Variants in DLG2 observed in about 807,000 individuals in gnomAD.
DLG2 encodes the protein disks large homolog 2.
In DLG2, 45 loss-of-function variants were observed where a neutral mutation model predicts 132.5. That is an observed-to-expected ratio of 0.34 (90% confidence interval 0.27 to 0.44). DLG2 has a LOEUF of 0.44. Ranked by LOEUF, DLG2 falls within the 20% of genes least tolerant of loss-of-function variation. The pLI, the probability that DLG2 is intolerant of heterozygous loss-of-function variation, is 1.00. For missense variants in DLG2, 1,045 were observed against 1,196.9 expected (o/e 0.87, Z 1.87); for synonymous variants, 424 against 419.6 (o/e 1.01, Z -0.13).
At chr11:85,132,188 A>G (rs2075765493) in intron 5 of DLG2, among the ~76,000 whole-genome samples, 1 of 152,194 alleles carries the variant, frequency 6.6e-6, no homozygotes, top group Non-Finnish European at 1.5e-5. Context: ...TAATGCAAAT[A>G]TTTGTGTATA....
chr11:83,546,234 G>T (rs1465670), intron 19 of DLG2, among the ~76,000 whole-genome samples: 100,058 of 151,958 alleles, frequency 0.66, 33,454 homozygotes, highest in Middle Eastern at 0.75. Context: ...TTTAGGTGTC[G>T]CACAATGTAG....
Position 83,980,476 on chromosome 11 carries a change from T to C in DLG2, c.1056+30A>G, listed in dbSNP as rs771668557. 6 of 1,597,866 alleles carry C rather than the reference T, an allele frequency of 3.8e-6. No homozygotes were observed. In the Admixed American group the frequency reaches 8.7e-5, roughly 23 times the overall value. On this transcript the variant is annotated intron_variant, in intron 12 of 27. Transcript: ENST00000376104. Reference sequence around the variant, plus strand: ...CTGGAAAACAAGAGCTTTATAAATATACACACAGTTTTGCTGGAGTCACAC... The same window carrying C: ...CTGGAAAACAAGAGCTTTATAAATACACACACAGTTTTGCTGGAGTCACAC...
chr11:85,197,936 A>G (rs1204814296), intron 4 of DLG2, among the ~76,000 whole-genome samples: 1 of 152,232 alleles, frequency 6.6e-6, no homozygotes, highest in Non-Finnish European at 1.5e-5. Flanking sequence ...CAAAGTTGTT[A>G]CAAGGATTAA....
chr11:83,531,383 T>C (rs1320160521), intron 21 of DLG2, among the ~76,000 whole-genome samples: 1 of 151,940 alleles, frequency 6.6e-6, no homozygotes, highest in African/African-American at 2.4e-5. Context: ...TATATACAAA[T>C]GGCCAATAAG....
chr11:83,710,658 C>T (rs1592885784), intron 18 of DLG2, among the ~76,000 whole-genome samples: 1 of 152,004 alleles, frequency 6.6e-6, no homozygotes, highest in South Asian at 2.1e-4. Flanking sequence ...GACGGCATAA[C>T]CAAAGCTTGA....
chr11:85,509,666 T>A (rs1269758867), intron 3 of DLG2, among the ~76,000 whole-genome samples: 3 of 152,122 alleles, frequency 2.0e-5, no homozygotes, highest in Non-Finnish European at 4.4e-5. Context: ...ATTCATTTTA[T>A]TCAACAAATA....
intron 17 of DLG2, among the ~76,000 whole-genome samples, chr11:83,809,763 T>C (rs1439561371): frequency 6.6e-6 from 1 of 152,158 alleles, no homozygotes; most frequent in Non-Finnish European, 1.5e-5. Flanking sequence ...TACTGAAATG[T>C]TTCAATTTTT....
At chr11:85,179,959 G>C (rs1201452569) in intron 4 of DLG2, among the ~76,000 whole-genome samples, 1 of 151,806 alleles carries the variant, frequency 6.6e-6, no homozygotes, top group Non-Finnish European at 1.5e-5. Context: ...ATTGTCCAAG[G>C]ACACACAGCT....
chr11:84,757,590 C>T (rs145861555), intron 6 of DLG2, among the ~76,000 whole-genome samples: 1 of 152,148 alleles, frequency 6.6e-6, no homozygotes, highest in Non-Finnish European at 1.5e-5. Flanking sequence ...AGAGGCACCT[C>T]CTCTCCATCA....
At chr11:84,159,427 G>T (rs2154259176) in intron 9 of DLG2, among the ~76,000 whole-genome samples, 1 of 152,242 alleles carries the variant, frequency 6.6e-6, no homozygotes, top group Admixed American at 6.5e-5. Context: ...ATAATAAAAA[G>T]AATAAACCAT....
chr11:85,093,099 C>T (rs374865345), intron 6 of DLG2, among the ~76,000 whole-genome samples: 12 of 152,166 alleles, frequency 7.9e-5, no homozygotes, highest in South Asian at 4.1e-4. Flanking sequence ...TGTCACCCCT[C>T]GCCCCCTCAT....
chr11:85,600,203 G>C (rs2080055520), intron 2 of DLG2, among the ~76,000 whole-genome samples: 1 of 152,058 alleles, frequency 6.6e-6, no homozygotes, highest in Non-Finnish European at 1.5e-5. Flanking sequence ...TTGTTTCTAA[G>C]GTCAACTCCT....
chr11:84,693,752 T>C (rs2058312343), intron 6 of DLG2, among the ~76,000 whole-genome samples: 1 of 151,638 alleles, frequency 6.6e-6, no homozygotes, highest in Non-Finnish European at 1.5e-5. Context: ...TTGCACCATA[T>C]GGGTCTTTGT....
At chr11:84,302,239 C>G (rs566128055) in intron 7 of DLG2, among the ~76,000 whole-genome samples, 2 of 152,190 alleles carry the variant, frequency 1.3e-5, no homozygotes, top group South Asian at 4.2e-4. Context: ...AGAGAAATAC[C>G]TAATGTAGAT....
intron 15 of DLG2, among the ~76,000 whole-genome samples, chr11:83,913,375 T>C (rs1306894329): frequency 6.6e-6 from 1 of 152,138 alleles, no homozygotes; most frequent in Non-Finnish European, 1.5e-5. Context: ...TTTTTTTTAT[T>C]GCTTAAAAAA....
chr11:84,235,418 G>C (rs977788129), intron 8 of DLG2, among the ~76,000 whole-genome samples: 2 of 151,954 alleles, frequency 1.3e-5, no homozygotes, highest in African/African-American at 4.8e-5. Context: ...GCATTTTAAA[G>C]ATCTCTTCTC....
intron 6 of DLG2, among the ~76,000 whole-genome samples, chr11:84,638,175 G>C (rs574173937): frequency 6.6e-6 from 1 of 152,276 alleles, no homozygotes; most frequent in South Asian, 2.1e-4. Context: ...ATTTCAACAA[G>C]AGTAATAAAA....
chr11:84,535,266 G>A (rs758617501), intron 6 of DLG2, among the ~76,000 whole-genome samples: 35 of 152,198 alleles, frequency 2.3e-4, no homozygotes, highest in Non-Finnish European at 5.9e-5. Context: ...GAGAAGACAA[G>A]CTTATCTTTC....
At chr11:85,270,211 G>A (rs1353162577) in intron 4 of DLG2, among the ~76,000 whole-genome samples, 3 of 152,108 alleles carry the variant, frequency 2.0e-5, no homozygotes, top group Non-Finnish European at 4.4e-5. Context: ...TGAATTATGG[G>A]GGCAAGTCTT....
Sources: allele counts gnomAD v4.1 joint callset (sites outside exome capture counted in the v4.1 genomes callset), GRCh38; gene constraint gnomAD v4.1.1; transcripts MANE v1.5; gene names NCBI Gene and HGNC (gene_info 2026-07-23, HGNC 2026-07-21).